The following SVIL variants were observed in gnomAD, a reference collection of about 807,000 sequenced individuals.
SVIL encodes the protein supervillin.
In SVIL, 101 loss-of-function variants were observed where a neutral mutation model predicts 240.4. The observed-to-expected ratio is 0.42, with a 90% confidence interval of 0.36 to 0.50. The LOEUF (loss-of-function observed/expected upper bound fraction) is 0.50. SVIL is among the 20% of genes least tolerant of loss of function. The pLI, the probability that SVIL is intolerant of heterozygous loss-of-function variation, is 0.01. For missense variants in SVIL, 2,512 were observed against 2,818.7 expected (o/e 0.89, Z 2.46); for synonymous variants, 999 against 1,100.0 (o/e 0.91, Z 1.82).
intron 1 of SVIL, among the ~76,000 whole-genome samples, chr10:29,696,097 G>A (rs1961962569): frequency 1.3e-5 from 2 of 151,740 alleles, no homozygotes; most frequent in East Asian, 2.0e-4. Context: ...GATTGCAGGC[G>A]CGCGCCGCCA....
rs188262312 is a variant in SVIL at position 29,515,979 on chromosome 10, G to T, written c.3390-3118C>A. ...CCCATTCTGACGGACAAGGAACGTGGGTACATCCGGGTCAAGAATTCCATT... is the reference window on the plus strand; with the variant it reads ...CCCATTCTGACGGACAAGGAACGTGTGTACATCCGGGTCAAGAATTCCATT... On this transcript the variant is annotated intron_variant, in intron 16 of 37. Coordinates refer to ENST00000355867, the MANE Select transcript of SVIL (RefSeq NM_021738.3). 3.3e-5 allele frequency among the ~76,000 whole-genome samples: 5 copies of T among 152,204 alleles called. No homozygotes were observed. In the East Asian group the frequency reaches 9.7e-4, roughly 29 times the overall value.
At chr10:29,556,534 C>A (rs1202994914) in intron 3 of SVIL, among the ~76,000 whole-genome samples, 5 of 152,108 alleles carry the variant, frequency 3.3e-5, no homozygotes, top group Non-Finnish European at 7.3e-5. Flanking sequence ...TAAGTGATAG[C>A]CACCTTAAAA....
chr10:29,509,348 A>G (rs1253763131), intron 17 of SVIL, among the ~76,000 whole-genome samples: 1 of 106,454 alleles, frequency 9.4e-6, no homozygotes, highest in African/African-American at 4.0e-5. Context: ...AGAGAGAGAG[A>G]GAGAGAGAGA....
At chr10:29,681,079 T>G (rs1960606151) in intron 2 of SVIL, among the ~76,000 whole-genome samples, 6 of 151,960 alleles carry the variant, frequency 3.9e-5, no homozygotes, top group Admixed American at 3.9e-4. Context: ...AGAGGTGAGT[T>G]CCCTGTGGAG....
chr10:29,483,360 C>T (rs1947087585), intron 27 of SVIL: 1 of 152,174 alleles, frequency 6.6e-6, no homozygotes, highest in Non-Finnish European at 1.5e-5. Context: ...GTTTCAGCCT[C>T]ATTTGCTAAG....
At chr10:29,568,532 C>G (rs1235441277) in intron 2 of SVIL, among the ~76,000 whole-genome samples, 1 of 152,220 alleles carries the variant, frequency 6.6e-6, no homozygotes, top group Non-Finnish European at 1.5e-5. Context: ...GTGCCTCCAT[C>G]TGAAAATATC....
At chr10:29,732,155 C>T (rs1964659470) in intron 1 of SVIL, among the ~76,000 whole-genome samples, 1 of 152,180 alleles carries the variant, frequency 6.6e-6, no homozygotes, top group Admixed American at 6.5e-5. Context: ...GGAGAAGCTG[C>T]ATATCATATC....
intron 1 of SVIL, among the ~76,000 whole-genome samples, chr10:29,703,321 G>A (rs1462480496): frequency 6.6e-6 from 1 of 152,128 alleles, no homozygotes; most frequent in Non-Finnish European, 1.5e-5. Context: ...GCATTTCTGC[G>A]CTTCCCCTTC....
intron 6 of SVIL, among the ~76,000 whole-genome samples, chr10:29,548,534 A>G (rs910950821): frequency 1.3e-5 from 2 of 152,034 alleles, no homozygotes; most frequent in African/African-American, 2.4e-5. Flanking sequence ...ACCTTTTTCA[A>G]TTTCTCCAAA....
rs189840044 is a variant in SVIL at position 29,647,791 on chromosome 10, T to C, written c.-201+10178A>G. 3.0e-3 allele frequency among the ~76,000 whole-genome samples: 457 copies of C among 152,178 alleles called. 2 individuals are homozygous for C. Among genetic ancestry groups the C allele is most frequent in the South Asian group, 0.012 (57 of 4,824 alleles). On this transcript the variant is annotated intron_variant, in intron 3 of 35. Transcript: ENST00000375400. ...AGCTTAAACCGAGTTTAACAAAAGGTCACGAAGAAAGAGATTCCTTCAGTG... is the reference window on the plus strand; with the variant it reads ...AGCTTAAACCGAGTTTAACAAAAGGCCACGAAGAAAGAGATTCCTTCAGTG...
At chr10:29,641,642 A>T (rs992402566) in intron 3 of SVIL, among the ~76,000 whole-genome samples, 1 of 152,224 alleles carries the variant, frequency 6.6e-6, no homozygotes, top group African/African-American at 2.4e-5. Context: ...ACTTAGAATC[A>T]TTGTCACTCT....
chr10:29,559,849 T>C (rs1954291154), intron 3 of SVIL, among the ~76,000 whole-genome samples: 1 of 152,236 alleles, frequency 6.6e-6, no homozygotes, highest in South Asian at 2.1e-4. Flanking sequence ...TAATACTTCA[T>C]AAAGTTATTT....
intron 16 of SVIL, among the ~76,000 whole-genome samples, chr10:29,518,588 G>C (rs1331152216): frequency 6.6e-6 from 1 of 152,162 alleles, no homozygotes; most frequent in African/African-American, 2.4e-5. Context: ...GGGCGCAGTG[G>C]CTCACGCCTG....
rs1944503627 is a variant in SVIL at position 29,463,416 on chromosome 10, G to A, written c.6277+76C>T. On this transcript the variant is annotated intron_variant, in intron 35 of 37. Coordinates refer to ENST00000355867, the MANE Select transcript of SVIL (RefSeq NM_021738.3). ...TGGCTGACATGCACAGAAGGGGAAG[G>A]GGGTCTCCTGGCTGCGCATGCCTGA... The A allele has an allele frequency of 5.7e-5, 87 of 1,517,134 alleles. 1 individual carries two copies. In the South Asian group the frequency reaches 1.0e-3, roughly 18 times the overall value. 94.0% of individuals were successfully genotyped at this position (1,517,134 alleles called of 1,614,324 possible).
intron 1 of SVIL, among the ~76,000 whole-genome samples, chr10:29,613,173 A>C (rs933843003): frequency 4.0e-5 from 5 of 126,136 alleles, no homozygotes; most frequent in African/African-American, 1.5e-4. Flanking sequence ...ACTCCATCTC[A>C]AAAAAAAAAA....
intron 1 of SVIL, among the ~76,000 whole-genome samples, chr10:29,602,536 T>A (rs2488678): frequency 6.6e-6 from 1 of 152,090 alleles, no homozygotes; most frequent in African/African-American, 2.4e-5. Flanking sequence ...TTATTCATGA[T>A]TATAAATTCT....
At chr10:29,716,981 A>G (rs544058633) in intron 1 of SVIL, among the ~76,000 whole-genome samples, 171 of 152,348 alleles carry the variant, frequency 1.1e-3, no homozygotes, top group African/African-American at 4.0e-3. Context: ...CTGTAATCCC[A>G]GCACTTTGGG....
Position 29,457,719 on chromosome 10 carries a change from A to T in SVIL, c.*528T>A, listed in dbSNP as rs1405208262. ...GAAACATTTCCAAACGTGTATGAAGATACATATTGGTGGCAGAGCTAATTC... is the reference window on the plus strand; with the variant it reads ...GAAACATTTCCAAACGTGTATGAAGTTACATATTGGTGGCAGAGCTAATTC... On this transcript the variant is annotated 3_prime_UTR_variant, in exon 38 of 38. Coordinates refer to ENST00000355867, the MANE Select transcript of SVIL (RefSeq NM_021738.3). 6.6e-6 allele frequency: 1 copy of T among 152,658 alleles called. No individual in the cohort carries two copies. The highest frequency in any genetic ancestry group is 6.5e-5 in the Admixed American group (1 of 15,268). The allele number at this position is 152,658 out of a possible 1,614,324, so 9.5% of individuals were successfully genotyped here.
rs965302845 is a variant in SVIL, at chr10:29,718,218, C to T, written c.-400+17533G>A. Among the ~76,000 whole-genome samples, 6 of 151,314 alleles carry T rather than the reference C, an allele frequency of 4.0e-5. No homozygotes were observed. The South Asian group carries it at 8.4e-4, about 21-fold the overall frequency. On this transcript the variant is annotated intron_variant, in intron 1 of 35. Coordinates refer to the SVIL transcript ENST00000375400. ...GCACATCGCTGTAGATCCAGCTGCT[C>T]GGGAGGCTGAGGCAGGAGAATCGCT... is the stretch of plus-strand genomic sequence containing the variant.
Sources: allele counts gnomAD v4.1 joint callset (sites outside exome capture counted in the v4.1 genomes callset), GRCh38; gene constraint gnomAD v4.1.1; transcripts MANE v1.5; gene names NCBI Gene and HGNC (gene_info 2026-07-23, HGNC 2026-07-21).